Variants in SLCO2B1 observed in about 807,000 individuals in gnomAD.
SLCO2B1 encodes OATP-RP2.
A neutral mutation model predicts 67.3 loss-of-function variants in SLCO2B1; 41 were observed. The observed-to-expected ratio is 0.61, with a 90% CI of 0.47 to 0.79. The LOEUF is 0.79. Among genes scored for constraint, SLCO2B1 ranks in the 30% least tolerant of loss-of-function variants. The pLI is 0.00. For missense variants in SLCO2B1, 837 were observed against 920.1 expected, an observed-to-expected ratio of 0.91 and a Z score of 1.17; for synonymous variants, 379 against 381.4, an observed-to-expected ratio of 0.99 and a Z score of 0.07.
intron 1 of SLCO2B1, among the ~76,000 whole-genome samples, chr11:75,160,681 T>C (rs767064651): frequency 2.0e-5 from 3 of 152,236 alleles, no homozygotes; most frequent in Non-Finnish European, 4.4e-5. Context: ...GTTTCAACAG[T>C]TCCTTGCTTC....
At chr11:75,181,507 C>T (rs1027900409) in intron 7 of SLCO2B1, among the ~76,000 whole-genome samples, 1 of 152,162 alleles carries the variant, frequency 6.6e-6, no homozygotes, top group Admixed American at 6.5e-5. Flanking sequence ...GTGGCTGCTT[C>T]CCTTCGTGAT....
chr11:75,186,423 G>T (rs1319480626), intron 7 of SLCO2B1, among the ~76,000 whole-genome samples: 1 of 152,036 alleles, frequency 6.6e-6, no homozygotes, highest in Non-Finnish European at 1.5e-5. Context: ...TGGCCAGGCT[G>T]GTCTTGAACT....
chr11:75,157,535 G>A (rs1173878352), intron 1 of SLCO2B1, among the ~76,000 whole-genome samples: 2 of 152,170 alleles, frequency 1.3e-5, no homozygotes, highest in Non-Finnish European at 2.9e-5. Context: ...CAGGATGGAG[G>A]GGTTTACCTG....
Position 75,200,125 on chromosome 11 carries a change from G to A in SLCO2B1, c.1600-99G>A, listed in dbSNP as rs1945160040. On this transcript the variant is annotated intron_variant, in intron 10 of 13. Coordinates refer to ENST00000289575, the MANE Select transcript of SLCO2B1 (RefSeq NM_007256.5). ...AGCCAGCTCTACCCCAACTGGCTGT[G>A]GAACTTGGGCCTCTCACAAGCCTTC... The A allele has an allele frequency of 5.4e-6, 7 of 1,293,160 alleles. No homozygotes were observed. The South Asian group carries it at 8.6e-5, about 16-fold the overall frequency. 80.1% of individuals were successfully genotyped at this position (1,293,160 alleles called of 1,614,324 possible). A position where few individuals can be genotyped will look rare whatever the true frequency, so the allele number is the denominator to read the frequency against.
intron 3 of SLCO2B1, 126 bp from the exon 4 acceptor site, chr11:75,165,661 C>T: frequency 1.8e-6 from 2 of 1,118,542 alleles, no homozygotes; most frequent in Non-Finnish European, 2.6e-6. Flanking sequence ...GAGAGGGACC[C>T]AGATGATTTT....
chr11:75,193,620 G>A lies in SLCO2B1; in HGVS notation c.1433+45G>A, dbSNP rs746087488. ...CGTAAAGGCAAGCCTGGGAGGACAG[G>A]ACAGGGAGGACAGGGGCCCTGGGCA... is the stretch of plus-strand genomic sequence containing the variant. On this transcript the variant is annotated intron_variant, in intron 9 of 13. Transcript: ENST00000289575. This position sits in a 1 kb window ranked among gnomAD's most constrained non-coding sequence, Gnocchi z 4.2. The A allele has an allele frequency of 6.1e-6, 9 of 1,470,286 alleles. No homozygotes were observed. In the Admixed American group the frequency reaches 1.8e-4, roughly 29 times the overall value. 91.1% of individuals were successfully genotyped at this position (1,470,286 alleles called of 1,614,324 possible).
At chr11:75,190,866 T>C (rs912121275) in intron 8 of SLCO2B1, among the ~76,000 whole-genome samples, 4 of 152,150 alleles carry the variant, frequency 2.6e-5, no homozygotes, top group African/African-American at 9.7e-5. Flanking sequence ...GGAGACACTG[T>C]GCTGTGCTAA....
At position 75,193,848 on chromosome 11, in the gene SLCO2B1, G is replaced by C. The variant is rs1439651943; in HGVS notation, c.1433+273G>C. ...AGGGTGTGGAGGCTGAGATAGGGCA[G>C]AGCCACCCATGGGATGGCATGTCCA... On this transcript the variant is annotated intron_variant, in intron 9 of 13. Transcript: ENST00000289575. This position sits in a 1 kb window ranked among gnomAD's most constrained non-coding sequence, Gnocchi z 4.2. 6.6e-6 allele frequency among the ~76,000 whole-genome samples: 1 copy of C among 152,202 alleles called. No individual in the cohort carries two copies. Among genetic ancestry groups the C allele is most frequent in the East Asian group, 1.9e-4 (1 of 5,180 alleles).
chr11:75,151,205 T>C lies in SLCO2B1; in HGVS notation c.-177T>C. The stretch of plus-strand genomic sequence containing the variant: ...CTGTGTCTGGACAAGTCTGATGTCC[T>C]GTGTGGCCCAAGAAGAACTGACCCC... On this transcript the variant is annotated 5_prime_UTR_variant, in exon 1 of 14. Transcript: ENST00000289575. The C allele has an allele frequency of 1.6e-6, 1 of 610,658 alleles. No homozygotes were observed. The highest frequency in any genetic ancestry group is 2.9e-6 in the Non-Finnish European group (1 of 341,974). 37.8% of individuals were successfully genotyped at this position (610,658 alleles called of 1,614,324 possible). A position where few individuals can be genotyped will look rare whatever the true frequency, so the allele number is the denominator to read the frequency against.
intron 7 of SLCO2B1, among the ~76,000 whole-genome samples, 188 bp from the exon 8 acceptor site, chr11:75,187,948 T>C (rs138167227): frequency 5.0e-4 from 76 of 152,292 alleles, no homozygotes; most frequent in African/African-American, 1.8e-3. Context: ...ATTCATCCTT[T>C]CAAAACCACT....
intron 1 of SLCO2B1, among the ~76,000 whole-genome samples, chr11:75,161,361 G>A (rs1296181072): frequency 1.3e-5 from 2 of 152,224 alleles, no homozygotes; most frequent in Non-Finnish European, 2.9e-5. Context: ...GAATTAGATA[G>A]TGGAGATAGT....
intron 1 of SLCO2B1, chr11:75,157,159 G>A (rs1949755775): frequency 6.6e-6 from 1 of 152,214 alleles, no homozygotes; most frequent in African/African-American, 2.4e-5. Context: ...TGGGGAGAGA[G>A]TCTGAGAATC....
chr11:75,172,902 C>A (rs1949982115), intron 7 of SLCO2B1, among the ~76,000 whole-genome samples: 1 of 151,124 alleles, frequency 6.6e-6, no homozygotes, highest in Admixed American at 6.6e-5. Flanking sequence ...GCACTCCAGC[C>A]TGGGCAACAA....
At chr11:75,202,253 T>C (rs916287498) in intron 11 of SLCO2B1, 1 of 151,664 alleles carries the variant, frequency 6.6e-6, no homozygotes, top group Non-Finnish European at 1.5e-5. Context: ...GGAGAGAAAA[T>C]AGAGGAATCA....
In SLCO2B1 at chr11:75,151,294, C is replaced by G; in HGVS notation, c.-88C>G. 1 of 1,229,386 alleles carries G rather than the reference C, an allele frequency of 8.1e-7. No individual in the cohort carries two copies. The highest frequency in any genetic ancestry group is 2.4e-5 in the East Asian group (1 of 41,450). The allele number at this position is 1,229,386 out of a possible 1,614,324, so 76.2% of individuals were successfully genotyped here. A position where few individuals can be genotyped will look rare whatever the true frequency, so the allele number is the denominator to read the frequency against. On this transcript the variant is annotated 5_prime_UTR_variant, in exon 1 of 14. Transcript: ENST00000289575. ...GCTCACCTGCTGCTGTCTCCAGGAG[C>G]CCCTGAGAAGATTTGCTTCCTCTCC...
intron 1 of SLCO2B1, among the ~76,000 whole-genome samples, chr11:75,156,351 T>C (rs1410820761): frequency 6.6e-6 from 1 of 151,938 alleles, no homozygotes; most frequent in Non-Finnish European, 1.5e-5. Context: ...CCGGCAGAAA[T>C]TGGCCTGGGA....
At chr11:75,171,106 A>G (rs1288860728) in intron 6 of SLCO2B1, among the ~76,000 whole-genome samples, 1 of 152,146 alleles carries the variant, frequency 6.6e-6, no homozygotes, top group Non-Finnish European at 1.5e-5. Flanking sequence ...GGAGAGAATC[A>G]AGTCTAATCA....
At position 75,200,209 on chromosome 11, in the gene SLCO2B1, C is replaced by T. The variant is rs370560822; in HGVS notation, c.1600-15C>T. ...TGGAGGCTCTTGAAGTCTCTTCCTC[C>T]TCTTCCCACTCCAGGTTTTCTACAC... On this transcript the variant is annotated splice_polypyrimidine_tract_variant and intron_variant, in intron 10 of 13. Coordinates refer to ENST00000289575, the MANE Select transcript of SLCO2B1 (RefSeq NM_007256.5). The T allele has an allele frequency of 7.9e-5, 127 of 1,603,580 alleles. No homozygotes were observed. The African/African-American group carries it at 1.3e-3, about 16-fold the overall frequency.
At chr11:75,162,841 G>A (rs974061547) in intron 2 of SLCO2B1, 56 bp downstream of exon 2, 29 of 1,569,976 alleles carry the variant, frequency 1.8e-5, no homozygotes, top group Middle Eastern at 1.7e-4. Flanking sequence ...GCTCTGCCAC[G>A]TGCTGGTGGT....
Sources: gnomAD v4.1 joint callset for allele counts (sites outside exome capture counted in the v4.1 genomes callset) on GRCh38, gnomAD v4.1.1 for gene constraint, Gnocchi (gnomAD v3.1) non-coding constraint, MANE v1.5 for transcripts, NCBI Gene and HGNC (gene_info 2026-07-23, HGNC 2026-07-21) for gene names.